The following SPIRE1 variants were observed in gnomAD, a reference collection of about 807,000 sequenced individuals.
The protein encoded by SPIRE1 is protein spire homolog 1.
Under a neutral mutation model 94.1 loss-of-function variants are expected in SPIRE1, and 40 were observed. That is an observed-to-expected ratio of 0.43 (90% CI 0.33 to 0.55). The LOEUF (loss-of-function observed/expected upper bound fraction) is 0.55. SPIRE1 is among the 20% of genes least tolerant of loss of function. The pLI, the probability that SPIRE1 is intolerant of heterozygous loss-of-function variation, is 0.06. For synonymous variants in SPIRE1, 376 were observed against 371.7 expected (o/e 1.01, Z -0.13); for missense variants, 838 against 975.2 (o/e 0.86, Z 1.87).
At chr18:12,563,953 G>A (rs969703166) in intron 2 of SPIRE1, among the ~76,000 whole-genome samples, 5 of 152,012 alleles carry the variant, frequency 3.3e-5, no homozygotes, top group South Asian at 2.1e-4. Flanking sequence ...ACATAAAGCC[G>A]ATGTAAATAG....
At chr18:12,452,459 G>A (rs1487085832) in intron 15 of SPIRE1, 26 bp downstream of exon 15, 1 of 1,613,894 alleles carries the variant, frequency 6.2e-7, no homozygotes, top group African/African-American at 1.3e-5. Context: ...AGGAACACAA[G>A]TATAAATGAA....
chr18:12,638,423 G>C (rs972638360), intron 1 of SPIRE1, among the ~76,000 whole-genome samples: 91 of 152,282 alleles, frequency 6.0e-4, no homozygotes, highest in African/African-American at 2.0e-3. Flanking sequence ...CAGAACAGGT[G>C]ACAGAACAAG....
intron 12 of SPIRE1, among the ~76,000 whole-genome samples, chr18:12,456,773 A>T (rs778180845): frequency 8.5e-5 from 13 of 152,218 alleles, no homozygotes; most frequent in Non-Finnish European, 7.3e-5. Flanking sequence ...AAATGGGCTT[A>T]GTAAAGCATA....
intron 3 of SPIRE1, among the ~76,000 whole-genome samples, chr18:12,542,200 C>T (rs2035034930): frequency 1.3e-5 from 2 of 152,080 alleles, no homozygotes; most frequent in South Asian, 4.1e-4. Context: ...GTCTCGAACT[C>T]CTGACCTCAA....
At chr18:12,558,268 G>GAGT (rs1555624534) in intron 2 of SPIRE1, among the ~76,000 whole-genome samples, 2 of 152,148 alleles carry the variant, frequency 1.3e-5, no homozygotes, top group Non-Finnish European at 2.9e-5. Flanking sequence ...CCTTTGCGGT[G>GAGT]AGTGTTACAG....
At chr18:12,519,313 TC>T (rs2034291370) in intron 4 of SPIRE1, among the ~76,000 whole-genome samples, 1 of 152,074 alleles carries the variant, frequency 6.6e-6, no homozygotes, top group South Asian at 2.1e-4. Context: ...CCTCTATTCT[TC>T]CAGTATTTTT....
intron 1 of SPIRE1, among the ~76,000 whole-genome samples, chr18:12,655,905 G>A (rs939297244): frequency 1.3e-5 from 2 of 152,014 alleles, no homozygotes; most frequent in African/African-American, 4.8e-5. Flanking sequence ...CGATATTGCT[G>A]TATTTTTTTT....
chr18:12,572,274 C>T (rs181878815), intron 2 of SPIRE1, among the ~76,000 whole-genome samples: 1 of 152,106 alleles, frequency 6.6e-6, no homozygotes, highest in African/African-American at 2.4e-5. Context: ...TTAATACAGG[C>T]CACTGATGTG....
At chr18:12,653,553 C>G (rs763407062) in intron 1 of SPIRE1, 2 of 152,198 alleles carry the variant, frequency 1.3e-5, no homozygotes, top group Non-Finnish European at 2.9e-5. Flanking sequence ...CAAATTCAAA[C>G]CAAATGTTTC....
chr18:12,515,708 C>A (rs1032827929), intron 4 of SPIRE1, among the ~76,000 whole-genome samples: 5 of 152,148 alleles, frequency 3.3e-5, no homozygotes, highest in African/African-American at 1.2e-4. Context: ...CCAAAGGAAG[C>A]TGCTTTGTCA....
intron 1 of SPIRE1, among the ~76,000 whole-genome samples, chr18:12,654,066 G>C (rs1361975931): frequency 6.6e-6 from 1 of 152,146 alleles, no homozygotes; most frequent in Non-Finnish European, 1.5e-5. Context: ...GCCAGGCACC[G>C]TGGCTCACTT....
intron 8 of SPIRE1, among the ~76,000 whole-genome samples, chr18:12,491,453 CAA>C (rs751862932): frequency 6.6e-6 from 1 of 151,872 alleles, no homozygotes; most frequent in Non-Finnish European, 1.5e-5. Context: ...TGGAACAGAA[CAA>C]AGAGTCCAGA....
intron 2 of SPIRE1, among the ~76,000 whole-genome samples, chr18:12,632,277 C>T (rs1178791838): frequency 6.6e-6 from 1 of 152,166 alleles, no homozygotes; most frequent in Non-Finnish European, 1.5e-5. Context: ...AGACAACCAT[C>T]GTCTCCCATG....
intron 3 of SPIRE1, among the ~76,000 whole-genome samples, chr18:12,537,875 A>ACC (rs1318022744): frequency 2.2e-4 from 34 of 152,230 alleles, no homozygotes; most frequent in African/African-American, 8.0e-4. Context: ...ACAGAAAGAC[A>ACC]TCTTGTACTC....
intron 2 of SPIRE1, among the ~76,000 whole-genome samples, chr18:12,621,455 A>AG (rs2037465878): frequency 1.3e-5 from 2 of 152,360 alleles, no homozygotes; most frequent in East Asian, 1.9e-4. Context: ...TAACAGCCAA[A>AG]GGGTAGAAAC....
intron 4 of SPIRE1, among the ~76,000 whole-genome samples, 194 bp downstream of exon 4, chr18:12,535,282 T>C (rs1329339917): frequency 6.6e-6 from 1 of 152,204 alleles, no homozygotes; most frequent in African/African-American, 2.4e-5. Context: ...ACTGTTGATA[T>C]TTCAATACAA....
intron 2 of SPIRE1, among the ~76,000 whole-genome samples, chr18:12,580,748 G>A (rs71363149): frequency 0.073 from 11,187 of 152,204 alleles, 574 homozygotes; most frequent in Non-Finnish European, 0.11. Flanking sequence ...TCAGTCACAT[G>A]CAGAAACACT....
chr18:12,634,672 T>C (rs2037873912), intron 2 of SPIRE1, among the ~76,000 whole-genome samples: 1 of 152,140 alleles, frequency 6.6e-6, no homozygotes, highest in African/African-American at 2.4e-5. Context: ...CGGTGACTCA[T>C]GCCTATAATC....
At chr18:12,633,937 G>A (rs1167180457) in intron 2 of SPIRE1, among the ~76,000 whole-genome samples, 1 of 152,054 alleles carries the variant, frequency 6.6e-6, no homozygotes, top group Non-Finnish European at 1.5e-5. Flanking sequence ...TCAGAAATTT[G>A]AAATTAAATT....
Sources: allele counts gnomAD v4.1 joint callset (sites outside exome capture counted in the v4.1 genomes callset), GRCh38; gene constraint gnomAD v4.1.1; transcripts MANE v1.5; gene names NCBI Gene and HGNC (gene_info 2026-07-23, HGNC 2026-07-21).